The following ASCC2 variants were observed in gnomAD, a reference collection of about 807,000 sequenced individuals.
ASCC2 encodes the protein ASC-1 complex subunit P100.
Under a neutral mutation model 93.5 loss-of-function variants are expected in ASCC2, and 42 were observed. The ratio of observed to expected loss-of-function variants is 0.45; its 90% CI spans 0.35 to 0.58. The LOEUF (loss-of-function observed/expected upper bound fraction) is 0.58, where lower values mean the gene tolerates loss of function less well. ASCC2 is among the 20% of genes least tolerant of loss of function. The pLI, the probability that ASCC2 is intolerant of heterozygous loss-of-function variation, is 0.00. For synonymous variants in ASCC2, 364 were observed against 384.2 expected, an observed-to-expected ratio of 0.95 and a Z score of 0.62; for missense variants, 859 against 977.6, an observed-to-expected ratio of 0.88 and a Z score of 1.62.
intron 17 of ASCC2, 138 bp from the exon 18 acceptor site, chr22:29,792,673 GC>G: frequency 1.7e-6 from 2 of 1,204,840 alleles, no homozygotes; most frequent in Non-Finnish European, 1.2e-6. Flanking sequence ...AGCCTTTCAA[GC>G]CAGATTTGCT....
Position 29,804,684 on chromosome 22 carries a change from GC to G in ASCC2, c.1306del (p.Ala436GlnfsTer40). On this transcript the variant is annotated frameshift_variant, in exon 13 of 20. Transcript: ENST00000307790. LOFTEE classifies it high-confidence loss of function. Reference sequence around the variant, plus strand: ...CGGATGTGATGATGCTTGACTGACTGCCTCTGCTGTCACCGTGACCCCGTTA... The same window carrying G: ...CGGATGTGATGATGCTTGACTGACTGCTCTGCTGTCACCGTGACCCCGTTA... Reference protein sequence around the residue: ...EPNGVTVTAEAVSQASSHPEN... With the variant: ...EPNGVTVTAEXVSQASSHPEN... 1 of 1,614,080 alleles carries G rather than the reference GC, an allele frequency of 6.2e-7. No individual in the cohort carries two copies. Among genetic ancestry groups the G allele is most frequent in the Non-Finnish European group, 8.5e-7 (1 of 1,179,996 alleles).
chr22:29,788,850 T>A lies in ASCC2; in HGVS notation c.*163A>T. Reference sequence around the variant, plus strand: ...TGTGTGTTCTGCAGGAAGGCGCTCATGGCTGGCTGGTAGATGAGAGGCGGC... The same window carrying A: ...TGTGTGTTCTGCAGGAAGGCGCTCAAGGCTGGCTGGTAGATGAGAGGCGGC... On this transcript the variant is annotated 3_prime_UTR_variant, in exon 20 of 20. Coordinates refer to ENST00000307790, the MANE Select transcript of ASCC2 (RefSeq NM_032204.5). 1.2e-6 allele frequency: 1 copy of A among 819,874 alleles called. No homozygotes were observed. Among genetic ancestry groups the A allele is most frequent in the Non-Finnish European group, 1.9e-6 (1 of 517,422 alleles). The allele number at this position is 819,874 out of a possible 1,614,324, so 50.8% of individuals were successfully genotyped here.
Position 29,808,201 on chromosome 22 carries a change from C to G in ASCC2, c.834-16G>C. 1 of 1,613,662 alleles carries G rather than the reference C, an allele frequency of 6.2e-7. No homozygotes were observed. Among genetic ancestry groups the G allele is most frequent in the Non-Finnish European group, 8.5e-7 (1 of 1,179,626 alleles). On this transcript the variant is annotated splice_polypyrimidine_tract_variant and intron_variant, in intron 8 of 19. Coordinates refer to ENST00000307790, the MANE Select transcript of ASCC2 (RefSeq NM_032204.5). ...GGAAGCTAGTCTGTGCAGGCACACA[C>G]AGGGAAAATGTTGGATTAGTTCATA...
At chr22:29,831,379 T>G (rs2063124797) in intron 2 of ASCC2, among the ~76,000 whole-genome samples, 1 of 152,174 alleles carries the variant, frequency 6.6e-6, no homozygotes, top group African/African-American at 2.4e-5. Context: ...ATGGAGACAA[T>G]CAAAATGTCT....
intron 15 of ASCC2, among the ~76,000 whole-genome samples, chr22:29,794,259 C>T (rs1430167073): frequency 4.0e-5 from 6 of 151,788 alleles, no homozygotes; most frequent in Admixed American, 1.3e-4. Context: ...TTTGGGAGGC[C>T]GAGGCGGGTG....
intron 15 of ASCC2, among the ~76,000 whole-genome samples, chr22:29,797,257 G>C (rs2058552692): frequency 6.6e-6 from 1 of 152,184 alleles, no homozygotes; most frequent in African/African-American, 2.4e-5. Context: ...CAAGCCCTGG[G>C]AATATGCAGG....
chr22:29,808,071 C>G, intron 9 of ASCC2, 40 bp downstream of exon 9: 2 of 1,609,196 alleles, frequency 1.2e-6, no homozygotes, highest in East Asian at 4.5e-5. Flanking sequence ...TCGGGCCTCT[C>G]TGTCCCACAA....
chr22:29,798,417 T>A (rs1405728077), intron 15 of ASCC2, among the ~76,000 whole-genome samples: 1 of 152,142 alleles, frequency 6.6e-6, no homozygotes, highest in Non-Finnish European at 1.5e-5. Flanking sequence ...CACTGTCATG[T>A]CTGGAAGCCA....
chr22:29,835,559 C>T (rs920847553), intron 1 of ASCC2, among the ~76,000 whole-genome samples: 2 of 152,184 alleles, frequency 1.3e-5, no homozygotes, highest in Non-Finnish European at 2.9e-5. Flanking sequence ...CTTTTCCTAT[C>T]CATGTTGAGA....
At position 29,825,189 on chromosome 22, in the gene ASCC2, G is replaced by C. The variant is rs751960972; in HGVS notation, c.309C>G (p.Asp103Glu). The C allele has an allele frequency of 1.3e-6, 2 of 1,563,980 alleles. No homozygotes were observed. Among genetic ancestry groups the C allele is most frequent in the East Asian group, 4.7e-5 (2 of 42,710 alleles). ...CCTCAGGGGCTGAGGCCACCCCCTC[G>C]TCGAATTTGCGGGGGACATAGCGCA... Reference protein sequence around the residue: ...SYLRYVPRKFDEGVASAPEVV... With the variant: ...SYLRYVPRKFEEGVASAPEVV... Residue 103 changes from aspartate to glutamate, a missense_variant, in exon 4 of 20, where the codon GAC becomes GAG. Coordinates refer to ENST00000307790, the MANE Select transcript of ASCC2 (RefSeq NM_032204.5). The surrounding 1 kb of genome is among the most constrained non-coding windows in gnomAD (Gnocchi z 4.9).
At position 29,789,085 on chromosome 22, in the gene ASCC2, C is replaced by T. The variant is rs1303182528; in HGVS notation, c.2202G>A (p.Lys734=). ...TCCGGTTGTGGTTGGCTCTTGTCGC[C>T]TTGTTGGCTTCCTTCTTCCTGCGTT... ...TQERRKKEAN[K]ATRANHNRRT... The change falls in exon 20 of 20, where the codon AAG becomes AAA. Residue 734 remains lysine, a synonymous_variant. Transcript: ENST00000307790. 6.2e-7 allele frequency: 1 copy of T among 1,614,202 alleles called. No individual in the cohort carries two copies. The highest frequency in any genetic ancestry group is 8.5e-7 in the Non-Finnish European group (1 of 1,180,034).
At chr22:29,834,783 C>T (rs572828455) in intron 1 of ASCC2, among the ~76,000 whole-genome samples, 7 of 152,258 alleles carry the variant, frequency 4.6e-5, no homozygotes, top group South Asian at 2.1e-4. Flanking sequence ...AAGCTGAAAC[C>T]GAAGCCCAGG....
At chr22:29,818,102 GAAA>G (rs34780837) in intron 5 of ASCC2, among the ~76,000 whole-genome samples, 1 of 118,840 alleles carries the variant, frequency 8.4e-6, no homozygotes, top group Admixed American at 8.8e-5. Flanking sequence ...GGATTGCTTG[GAAA>G]AAAAAAAAAA....
intron 13 of ASCC2, among the ~76,000 whole-genome samples, chr22:29,802,625 C>T (rs1337370337): frequency 1.3e-5 from 2 of 151,416 alleles, no homozygotes; most frequent in Non-Finnish European, 2.9e-5. Context: ...ACAGCAAGAC[C>T]CCATCTGTTC....
chr22:29,832,587 C>CTTTTTT, intron 1 of ASCC2: 2 of 200,000 alleles, frequency 1.0e-5, no homozygotes, highest in East Asian at 2.3e-4. Context: ...TTTCCACCCA[C>CTTTTTT]TTTTTTTTTT....
In ASCC2 at chr22:29,834,432, A is replaced by C. The variant is rs1354322466; in HGVS notation, c.-17-2090T>G. ...TTCTGGCCTGTTATAAAGACTGTGA[A>C]GATCCCCACCCTAGAAGGAGTAATA... is the stretch of plus-strand genomic sequence containing the variant. On this transcript the variant is annotated intron_variant, in intron 1 of 19. Transcript: ENST00000307790. The C allele has an allele frequency of 1.5e-5, 7 of 465,426 alleles. No homozygotes were observed. In the Admixed American group the frequency reaches 1.7e-4, roughly 11 times the overall value. The allele number at this position is 465,426 out of a possible 1,614,324, so 28.8% of individuals were successfully genotyped here. A position where few individuals can be genotyped will look rare whatever the true frequency, so the allele number is the denominator to read the frequency against.
intron 5 of ASCC2, among the ~76,000 whole-genome samples, chr22:29,817,643 C>T (rs1191805802): frequency 6.6e-6 from 1 of 152,176 alleles, no homozygotes; most frequent in East Asian, 1.9e-4. Flanking sequence ...GGGAGGCACC[C>T]TCTCATGATC....
rs893317615 is a variant in ASCC2 at position 29,837,386 on chromosome 22, T to A, written c.-18+792A>T. Among the ~76,000 whole-genome samples the A allele has an allele frequency of 7.2e-5, 11 of 152,022 alleles. 1 individual carries two copies. In the East Asian group the frequency reaches 1.9e-3, roughly 27 times the overall value. ...AGGCGGAGGTTGCAGTGGGACGAGA[T>A]CACGCCACTGCACTCCAGCCTGGGC... On this transcript the variant is annotated intron_variant, in intron 1 of 19. Coordinates refer to ENST00000307790, the MANE Select transcript of ASCC2 (RefSeq NM_032204.5).
At position 29,802,073 on chromosome 22, in the gene ASCC2, C is replaced by G. The variant is rs758587434; in HGVS notation, c.1489G>C (p.Asp497His). 5.0e-6 allele frequency: 8 copies of G among 1,614,128 alleles called. No homozygotes were observed. Among genetic ancestry groups the G allele is most frequent in the African/African-American group, 1.3e-5 (1 of 75,054 alleles). ...ILACLEYYHY[D>H]PEQVINNILE... ...ATATTGTTGATCACCTGCTCTGGGT[C>G]GTAGTGGTAGTACTCCAGGCAGGCC... is the stretch of plus-strand genomic sequence containing the variant. The change falls in exon 14 of 20, where the codon GAC (aspartate) becomes CAC (histidine). Residue 497 changes from aspartate to histidine, a missense_variant. Asp to His is a moderately conservative substitution (Grantham distance 81). Coordinates refer to ENST00000307790, the MANE Select transcript of ASCC2 (RefSeq NM_032204.5).
Sources: gnomAD v4.1 joint callset for allele counts (sites outside exome capture counted in the v4.1 genomes callset) on GRCh38, gnomAD v4.1.1 for gene constraint, Gnocchi (gnomAD v3.1) non-coding constraint, MANE v1.5 for transcripts, NCBI Gene and HGNC (gene_info 2026-07-23, HGNC 2026-07-21) for gene names.